Variants in PCDH9 observed in about 807,000 individuals in gnomAD.
The protein encoded by PCDH9 is protocadherin 9.
In PCDH9, 24 loss-of-function variants were observed where a neutral mutation model predicts 70.6. The ratio of observed to expected loss-of-function variants is 0.34; its 90% CI spans 0.25 to 0.48. The LOEUF is 0.48. Ranked by LOEUF, PCDH9 falls within the 20% of genes least tolerant of loss-of-function variation. The pLI is 0.99. For synonymous variants in PCDH9, 562 were observed against 558.5 expected, an observed-to-expected ratio of 1.01 and a Z score of -0.09; for missense variants, 1,281 against 1,503.6, an observed-to-expected ratio of 0.85 and a Z score of 2.45.
chr13:67,103,899 T>C (rs1486974101), intron 2 of PCDH9, among the ~76,000 whole-genome samples: 1 of 152,146 alleles, frequency 6.6e-6, no homozygotes. Context: ...ACTTTGAATC[T>C]AGTTGCAAAG....
At chr13:66,347,927 C>G (rs980920386) in intron 4 of PCDH9, among the ~76,000 whole-genome samples, 3 of 152,204 alleles carry the variant, frequency 2.0e-5, no homozygotes, top group Admixed American at 2.0e-4. Flanking sequence ...TTCAACAATT[C>G]CTTTAATCAT....
intron 3 of PCDH9, 73 bp from the exon 4 acceptor site, chr13:66,631,484 C>G (rs2077570853): frequency 2.4e-6 from 2 of 832,610 alleles, no homozygotes; most frequent in Admixed American, 4.1e-5. Context: ...AACACAAAAT[C>G]AAAACACTTT....
intron 3 of PCDH9, among the ~76,000 whole-genome samples, chr13:66,720,892 C>T (rs147124413): frequency 1.3e-3 from 192 of 152,140 alleles, no homozygotes; most frequent in Non-Finnish European, 2.0e-3. Context: ...CAAATGGAAT[C>T]GTGGGTATAC....
At chr13:66,745,513 A>AT (rs2079347912) in intron 3 of PCDH9, among the ~76,000 whole-genome samples, 1 of 152,044 alleles carries the variant, frequency 6.6e-6, no homozygotes, top group African/African-American at 2.4e-5. Flanking sequence ...AATGCTAATG[A>AT]TTTTTTCATG....
chr13:66,856,550 C>T (rs1024547752), intron 3 of PCDH9, among the ~76,000 whole-genome samples: 1 of 152,014 alleles, frequency 6.6e-6, no homozygotes, highest in Non-Finnish European at 1.5e-5. Context: ...TTTTCAGACA[C>T]AGGATATGTG....
At chr13:66,929,083 C>T (rs979184788) in intron 2 of PCDH9, among the ~76,000 whole-genome samples, 3 of 152,096 alleles carry the variant, frequency 2.0e-5, no homozygotes, top group South Asian at 4.2e-4. Flanking sequence ...AAGTTAATAA[C>T]TTTTTAGCAA....
chr13:66,514,160 G>A (rs1200767549), intron 4 of PCDH9, among the ~76,000 whole-genome samples: 1 of 152,082 alleles, frequency 6.6e-6, no homozygotes, highest in Non-Finnish European at 1.5e-5. Flanking sequence ...ATGTCTGAGT[G>A]AAATAAGGTT....
Position 66,631,307 on chromosome 13 carries a change from T to C in PCDH9, c.3243A>G (p.Ser1081=). Residue 1081 remains serine (S), a synonymous_variant, in exon 4 of 5, where the codon TCA becomes TCG. Transcript: ENST00000377865. ...GTGGCTGAACCAGAGGAAGAGGGTGTGAGATCAGGGTTCCACTACCCACCG... is the reference window on the plus strand; with the variant it reads ...GTGGCTGAACCAGAGGAAGAGGGTGCGAGATCAGGGTTCCACTACCCACCG... ...HEPVGSGTLI[S]HPLPLVQPQD... is the part of the protein sequence containing the mutation. 1.9e-6 allele frequency: 3 copies of C among 1,603,246 alleles called. No individual in the cohort carries two copies. Among genetic ancestry groups the C allele is most frequent in the Non-Finnish European group, 2.6e-6 (3 of 1,170,256 alleles).
chr13:66,690,422 CA>C (rs2078466553), intron 3 of PCDH9, among the ~76,000 whole-genome samples: 1 of 152,028 alleles, frequency 6.6e-6, no homozygotes, highest in Non-Finnish European at 1.5e-5. Flanking sequence ...CAAACAAATA[CA>C]AATGTAACCT....
chr13:67,079,501 AACCTG>A (rs1237415943), intron 2 of PCDH9, among the ~76,000 whole-genome samples: 12 of 152,276 alleles, frequency 7.9e-5, no homozygotes, highest in Admixed American at 5.2e-4. Flanking sequence ...CTTACTTTCC[AACCTG>A]ACTCTGGTAT....
chr13:66,864,063 A>C (rs1162171585), intron 3 of PCDH9, among the ~76,000 whole-genome samples: 1 of 152,050 alleles, frequency 6.6e-6, no homozygotes, highest in African/African-American at 2.4e-5. Flanking sequence ...TCTTGTGCGA[A>C]CTCATTACCT....
At chr13:67,113,571 G>A (rs1325541946) in intron 2 of PCDH9, among the ~76,000 whole-genome samples, 4 of 150,618 alleles carry the variant, frequency 2.7e-5, no homozygotes, top group African/African-American at 9.8e-5. Flanking sequence ...TTTTTGAGAC[G>A]GACTCTCGCT....
At chr13:66,342,796 G>T (rs774832008) in intron 4 of PCDH9, among the ~76,000 whole-genome samples, 1,355 of 18,018 alleles carry the variant, frequency 0.075, 7 homozygotes, top group Non-Finnish European at 0.44. Context: ...TTTATTTATT[G>T]TATTTATTTA....
chr13:66,887,928 G>A (rs1174069677), intron 3 of PCDH9, among the ~76,000 whole-genome samples: 2 of 152,146 alleles, frequency 1.3e-5, no homozygotes, highest in Non-Finnish European at 2.9e-5. Context: ...ATGATCATAT[G>A]TATAATGTGG....
chr13:67,194,373 T>C (rs2089002242), intron 2 of PCDH9, among the ~76,000 whole-genome samples: 2 of 152,028 alleles, frequency 1.3e-5, no homozygotes, highest in Admixed American at 1.3e-4. Context: ...TTTATCTTTT[T>C]TTTTTTGTAT....
chr13:66,637,236 T>C (rs2077650295), intron 3 of PCDH9, among the ~76,000 whole-genome samples: 1 of 152,166 alleles, frequency 6.6e-6, no homozygotes, highest in South Asian at 2.1e-4. Context: ...TCTATGGTTA[T>C]GGCCTAATTT....
At chr13:67,182,552 A>G (rs1229065828) in intron 2 of PCDH9, among the ~76,000 whole-genome samples, 1 of 152,198 alleles carries the variant, frequency 6.6e-6, no homozygotes, top group East Asian at 1.9e-4. Context: ...ATAAAAAAAA[A>G]TGAAAATCAT....
chr13:67,125,000 G>A (rs879642214), intron 2 of PCDH9, among the ~76,000 whole-genome samples: 13 of 152,294 alleles, frequency 8.5e-5, no homozygotes, highest in Admixed American at 2.0e-4. Context: ...TGTGCATAAG[G>A]AGTAGGAAGA....
intron 2 of PCDH9, among the ~76,000 whole-genome samples, chr13:67,066,750 T>C (rs2085656791): frequency 6.6e-6 from 1 of 152,180 alleles, no homozygotes; most frequent in Admixed American, 6.6e-5. Flanking sequence ...GCAGATATAG[T>C]TAACATGAAA....
Sources: gnomAD v4.1 joint callset for allele counts (sites outside exome capture counted in the v4.1 genomes callset) on GRCh38, gnomAD v4.1.1 for gene constraint, MANE v1.5 for transcripts, NCBI Gene and HGNC (gene_info 2026-07-23, HGNC 2026-07-21) for gene names.